The following SEMA5A variants were observed in gnomAD, a reference collection of about 807,000 sequenced individuals.
SEMA5A encodes the protein semaphorin 5A.
SEMA5A carries 55 observed loss-of-function variants against 135.5 expected under a neutral mutation model. That is an observed-to-expected ratio of 0.41 (90% CI 0.33 to 0.51). The LOEUF (loss-of-function observed/expected upper bound fraction) is 0.51, where lower values mean the gene tolerates loss of function less well. SEMA5A is among the 20% of genes least tolerant of loss of function. SEMA5A has a pLI of 0.37. For synonymous variants in SEMA5A, 580 were observed against 546.5 expected, an observed-to-expected ratio of 1.06 and a Z score of -0.85; for missense variants, 1,290 against 1,419.9, an observed-to-expected ratio of 0.91 and a Z score of 1.47.
Position 9,078,107 on chromosome 5 carries a change from C to G in SEMA5A, c.2074-11461G>C, listed in dbSNP as rs150012304. ...TTTATTTTATTGTCTCACTGTAATG[C>G]CTTTAAATTCTCACTCTCTGAGAGC... On this transcript the variant is annotated intron_variant, in intron 16 of 22. Coordinates refer to ENST00000382496, the MANE Select transcript of SEMA5A (RefSeq NM_003966.3). Among the ~76,000 whole-genome samples, 5 of 152,252 alleles carry G rather than the reference C, an allele frequency of 3.3e-5. No individual in the cohort carries two copies. The East Asian group carries it at 9.7e-4, about 29-fold the overall frequency.
chr5:9,157,698 C>A (rs1743032158), intron 11 of SEMA5A, among the ~76,000 whole-genome samples: 1 of 152,206 alleles, frequency 6.6e-6, no homozygotes, highest in Non-Finnish European at 1.5e-5. Context: ...TGGCAACGGC[C>A]ACCAGGAAGC....
intron 11 of SEMA5A, among the ~76,000 whole-genome samples, chr5:9,184,058 T>C (rs1364735794): frequency 1.3e-5 from 2 of 152,196 alleles, no homozygotes; most frequent in South Asian, 2.1e-4. Context: ...TAGTCTTATT[T>C]CATGTTTGTA....
At chr5:9,134,720 A>G (rs1741634971) in intron 13 of SEMA5A, among the ~76,000 whole-genome samples, 1 of 152,192 alleles carries the variant, frequency 6.6e-6, no homozygotes. Context: ...AAACACAGCT[A>G]TTATCTTGTG....
chr5:9,308,816 T>G (rs1048409460), intron 5 of SEMA5A, among the ~76,000 whole-genome samples: 2 of 152,082 alleles, frequency 1.3e-5, no homozygotes, highest in Non-Finnish European at 2.9e-5. Context: ...TGTTGAATAT[T>G]GAAAATAATA....
chr5:9,302,658 G>A (rs548676556), intron 5 of SEMA5A, among the ~76,000 whole-genome samples: 11 of 152,232 alleles, frequency 7.2e-5, no homozygotes, highest in Admixed American at 1.3e-4. Flanking sequence ...CTATAATATC[G>A]ATATTGAACA....
chr5:9,241,347 G>A (rs911078026), intron 5 of SEMA5A, among the ~76,000 whole-genome samples: 1 of 151,772 alleles, frequency 6.6e-6, no homozygotes, highest in Non-Finnish European at 1.5e-5. Context: ...ACTGACAGAA[G>A]GAAAAACAGA....
chr5:9,534,489 G>A (rs550810050), intron 1 of SEMA5A, among the ~76,000 whole-genome samples: 1 of 152,302 alleles, frequency 6.6e-6, no homozygotes, highest in Non-Finnish European at 1.5e-5. Flanking sequence ...ATCATTGGGT[G>A]TGATCTTGTA....
rs952562286 is a variant in SEMA5A, at chr5:9,459,619, G to A, written c.-174-21767C>T. On this transcript the variant is annotated intron_variant, in intron 1 of 22. Transcript: ENST00000382496. ...GTCAACTGTCCTTGATTGCAGCCTCGGAGAAAACTGAACAAAGCCAGATCT... is the reference window on the plus strand; with the variant it reads ...GTCAACTGTCCTTGATTGCAGCCTCAGAGAAAACTGAACAAAGCCAGATCT... 6.6e-5 allele frequency among the ~76,000 whole-genome samples: 10 copies of A among 152,218 alleles called. No individual in the cohort carries two copies. The Middle Eastern group carries it at 0.01, about 155-fold the overall frequency.
chr5:9,307,205 C>T (rs147678306), intron 5 of SEMA5A, among the ~76,000 whole-genome samples: 127 of 152,196 alleles, frequency 8.3e-4, no homozygotes, highest in African/African-American at 3.0e-3. Flanking sequence ...GGCAATAGCC[C>T]CCACAACAGT....
rs527667965 is a variant in SEMA5A, at chr5:9,283,420, CA to C, written c.270+34951del. ...GTCTGCCCTGTGGTTCTCTCCACAA[CA>C]TGGAATTTTGCTTCTTCAAAGACAA... On this transcript the variant is annotated intron_variant, in intron 5 of 22. Transcript: ENST00000382496. Among the ~76,000 whole-genome samples, 14 of 152,286 alleles carry C rather than the reference CA, an allele frequency of 9.2e-5. No individual in the cohort carries two copies. The South Asian group carries it at 2.1e-3, about 23-fold the overall frequency.
chr5:9,351,252 A>G (rs1228339930), intron 3 of SEMA5A, among the ~76,000 whole-genome samples: 1 of 152,146 alleles, frequency 6.6e-6, no homozygotes, highest in African/African-American at 2.4e-5. Context: ...ATGTGGCTAG[A>G]AACTAGACAA....
At chr5:9,197,780 G>GTGTGTGTGTGTGTGTGTA (rs1402121195) in intron 9 of SEMA5A, among the ~76,000 whole-genome samples, 4,266 of 103,808 alleles carry the variant, frequency 0.041, 312 homozygotes, top group Non-Finnish European at 0.051. Context: ...GTGTGTGTGT[G>GTGTGTGTGTGTGTGTGTA]TGTGTTTTAA....
chr5:9,323,756 G>A (rs1579344390), intron 4 of SEMA5A, among the ~76,000 whole-genome samples: 2 of 149,862 alleles, frequency 1.3e-5, no homozygotes, highest in South Asian at 4.2e-4. Flanking sequence ...CCACTTCCTG[G>A]GTTCATGCAA....
intron 7 of SEMA5A, among the ~76,000 whole-genome samples, chr5:9,225,813 A>C (rs1316882684): frequency 1.3e-5 from 2 of 152,034 alleles, no homozygotes. Flanking sequence ...GAATGAGAAA[A>C]GCTCTTGGGT....
Position 9,076,868 on chromosome 5 carries a change from T to TTGTGTGTGTGTG in SEMA5A, c.2074-10234_2074-10223dup, listed in dbSNP as rs70943938. 2.4e-3 allele frequency among the ~76,000 whole-genome samples: 339 copies of TTGTGTGTGTGTG among 144,092 alleles called. 1 individual carries two copies. Among genetic ancestry groups the TTGTGTGTGTGTG allele is most frequent in the African/African-American group, 6.6e-3 (261 of 39,332 alleles). The allele number at this position is 144,092 out of a possible 152,430, so 94.5% of individuals were successfully genotyped here. A position where few individuals can be genotyped will look rare whatever the true frequency, so the allele number is the denominator to read the frequency against. ...GTGCATTGACTATGCATTACGATCT[T>TTGTGTGTGTGTG]TGTGTGTGTGTGTGTGTGTGTGTGT... On this transcript the variant is annotated intron_variant, in intron 16 of 22. Coordinates refer to ENST00000382496, the MANE Select transcript of SEMA5A (RefSeq NM_003966.3).
chr5:9,276,350 G>A (rs1750260238), intron 5 of SEMA5A, among the ~76,000 whole-genome samples: 1 of 152,160 alleles, frequency 6.6e-6, no homozygotes, highest in African/African-American at 2.4e-5. Flanking sequence ...CTCATGGATA[G>A]GAAGAATCAA....
At chr5:9,286,112 T>C in intron 5 of SEMA5A, among the ~76,000 whole-genome samples, 1 of 152,216 alleles carries the variant, frequency 6.6e-6, no homozygotes, top group East Asian at 1.9e-4. Context: ...TTTATATCTT[T>C]GTATAACGCT....
At chr5:9,516,330 G>T (rs1736515102) in intron 1 of SEMA5A, among the ~76,000 whole-genome samples, 1 of 152,038 alleles carries the variant, frequency 6.6e-6, no homozygotes, top group Non-Finnish European at 1.5e-5. Flanking sequence ...CAGGAGTTTT[G>T]CCCATCACAT....
At chr5:9,202,321 A>G in intron 8 of SEMA5A, 81 bp from the exon 9 acceptor site, 1 of 1,464,758 alleles carries the variant, frequency 6.8e-7, no homozygotes, top group East Asian at 2.3e-5. Context: ...TATTTCATCC[A>G]AAGAGACGTG....
Sources: gnomAD v4.1 joint callset for allele counts (sites outside exome capture counted in the v4.1 genomes callset) on GRCh38, gnomAD v4.1.1 for gene constraint, MANE v1.5 for transcripts, NCBI Gene and HGNC (gene_info 2026-07-23, HGNC 2026-07-21) for gene names.